ADAMTS19: variants seen among roughly 807,000 people sequenced by gnomAD.
The protein encoded by ADAMTS19 is ADAM metallopeptidase with thrombospondin type 1 motif 19.
In ADAMTS19, 93 loss-of-function variants were observed where a neutral mutation model predicts 153.3. That is an observed-to-expected ratio of 0.61 (90% CI 0.51 to 0.72). ADAMTS19 has a LOEUF of 0.72. Among genes scored for constraint, ADAMTS19 ranks in the 30% least tolerant of loss-of-function variants. ADAMTS19 has a pLI of 0.00. For synonymous variants in ADAMTS19, 600 were observed against 556.6 expected (o/e 1.08, Z -1.10); for missense variants, 1,482 against 1,552.1 (o/e 0.95, Z 0.76).
At chr5:129,637,724 G>C (rs1752595349) in intron 10 of ADAMTS19, among the ~76,000 whole-genome samples, 1 of 152,040 alleles carries the variant, frequency 6.6e-6, no homozygotes, top group South Asian at 2.1e-4. Flanking sequence ...GGGTGCCTAT[G>C]ATCCCAGCTA....
Position 129,529,460 on chromosome 5 carries a change from A to G in ADAMTS19, c.1328+783A>G, listed in dbSNP as rs76623119. Among the ~76,000 whole-genome samples the G allele has an allele frequency of 2.9e-3, 437 of 152,304 alleles. 3 individuals are homozygous for G. Among genetic ancestry groups the G allele is most frequent in the African/African-American group, 9.8e-3 (408 of 41,590 alleles). ...TGAAAAATCTCTATGCAGGAACACA[A>G]TTGGACTTCTACTTTCGGCTAAGTA... On this transcript the variant is annotated intron_variant, in intron 6 of 22. Coordinates refer to ENST00000274487, the MANE Select transcript of ADAMTS19 (RefSeq NM_133638.6).
rs1753063903 is a variant in ADAMTS19 at position 129,646,258 on chromosome 5, G to C, written c.1873-1507G>C. Among the ~76,000 whole-genome samples, 5 of 152,086 alleles carry C rather than the reference G, an allele frequency of 3.3e-5. No homozygotes were observed. In the South Asian group the frequency reaches 1.0e-3, roughly 32 times the overall value. ...TATTTAATGAGAATCTTAGAATATT[G>C]ATATTCTCTGAGTTGTTGATCTTTA... On this transcript the variant is annotated intron_variant, in intron 11 of 22. Coordinates refer to ENST00000274487, the MANE Select transcript of ADAMTS19 (RefSeq NM_133638.6).
chr5:129,636,112 G>A (rs1199938051), intron 10 of ADAMTS19, among the ~76,000 whole-genome samples: 1 of 152,144 alleles, frequency 6.6e-6, no homozygotes, highest in East Asian at 1.9e-4. Flanking sequence ...AGCTAGGCTG[G>A]TCTCGAACTC....
At position 129,527,741 on chromosome 5, in the gene ADAMTS19, T is replaced by C; in HGVS notation, c.1087-7T>C. ...ATTTTAGGATTTTTATTTTTATTTG[T>C]TTTTAGGTATTTAACCTTTTCCAAC... On this transcript the variant is annotated splice_region_variant and splice_polypyrimidine_tract_variant and intron_variant, in intron 4 of 22. Coordinates refer to ENST00000274487, the MANE Select transcript of ADAMTS19 (RefSeq NM_133638.6). 2 of 1,503,752 alleles carry C rather than the reference T, an allele frequency of 1.3e-6. No individual in the cohort carries two copies. The highest frequency in any genetic ancestry group is 1.2e-5 in the South Asian group (1 of 81,994). The allele number at this position is 1,503,752 out of a possible 1,614,324, so 93.2% of individuals were successfully genotyped here.
intron 6 of ADAMTS19, among the ~76,000 whole-genome samples, chr5:129,543,162 G>A (rs988642347): frequency 2.0e-5 from 3 of 151,622 alleles, no homozygotes; most frequent in Non-Finnish European, 4.4e-5. Flanking sequence ...TGATTCTCCT[G>A]CCTTAGCCTC....
At chr5:129,490,966 A>G (rs1750747108) in intron 2 of ADAMTS19, among the ~76,000 whole-genome samples, 1 of 151,786 alleles carries the variant, frequency 6.6e-6, no homozygotes, top group South Asian at 2.1e-4. Flanking sequence ...ATGAATAAAC[A>G]TATATTGTTG....
At chr5:129,694,102 G>T (rs948441019) in intron 18 of ADAMTS19, among the ~76,000 whole-genome samples, 2 of 152,044 alleles carry the variant, frequency 1.3e-5, no homozygotes, top group Non-Finnish European at 2.9e-5. Flanking sequence ...CTAAAAGATG[G>T]CCACAATCCT....
intron 18 of ADAMTS19, among the ~76,000 whole-genome samples, chr5:129,694,082 C>T (rs775875173): frequency 3.9e-5 from 6 of 152,138 alleles, no homozygotes; most frequent in Non-Finnish European, 8.8e-5. Flanking sequence ...GAGCTTTCCA[C>T]CACTTAATGC....
intron 8 of ADAMTS19, among the ~76,000 whole-genome samples, chr5:129,598,389 T>A (rs1750484203): frequency 6.6e-6 from 1 of 152,178 alleles, no homozygotes; most frequent in Non-Finnish European, 1.5e-5. Context: ...GGAATTTGAT[T>A]GGTAAAGGAA....
At chr5:129,525,042 T>C (rs1173380103) in intron 3 of ADAMTS19, among the ~76,000 whole-genome samples, 5 of 152,132 alleles carry the variant, frequency 3.3e-5, no homozygotes, top group Non-Finnish European at 7.4e-5. Flanking sequence ...TATATAGTAT[T>C]CCATTATATG....
intron 2 of ADAMTS19, among the ~76,000 whole-genome samples, chr5:129,506,475 T>C (rs1197494809): frequency 2.6e-5 from 4 of 152,020 alleles, no homozygotes; most frequent in Non-Finnish European, 5.9e-5. Context: ...AGGGTACATA[T>C]GCACAATGTG....
chr5:129,727,564 A>C (rs1445889980), intron 21 of ADAMTS19, among the ~76,000 whole-genome samples: 1 of 152,190 alleles, frequency 6.6e-6, no homozygotes, highest in Non-Finnish European at 1.5e-5. Flanking sequence ...ATAGTGCTTA[A>C]GCATTTAAAT....
At chr5:129,590,814 T>C in intron 7 of ADAMTS19, among the ~76,000 whole-genome samples, 2 of 152,338 alleles carry the variant, frequency 1.3e-5, no homozygotes, top group Middle Eastern at 3.4e-3. Flanking sequence ...CATTCTTATA[T>C]CATTCCATAT....
At chr5:129,579,157 C>T (rs1267797690) in intron 7 of ADAMTS19, among the ~76,000 whole-genome samples, 1 of 152,192 alleles carries the variant, frequency 6.6e-6, no homozygotes, top group African/African-American at 2.4e-5. Context: ...GATAGTATCT[C>T]ATTGTGGTTT....
At chr5:129,642,954 G>A (rs183981033) in intron 11 of ADAMTS19, among the ~76,000 whole-genome samples, 4 of 152,200 alleles carry the variant, frequency 2.6e-5, no homozygotes, top group Admixed American at 6.5e-5. Flanking sequence ...TTGTAATGGT[G>A]AGAAGTGAGA....
intron 21 of ADAMTS19, among the ~76,000 whole-genome samples, chr5:129,710,281 G>T (rs1249208367): frequency 6.6e-6 from 1 of 152,142 alleles, no homozygotes; most frequent in African/African-American, 2.4e-5. Context: ...GTCCATCCAT[G>T]TCCCTGTAAA....
At position 129,737,259 on chromosome 5, in the gene ADAMTS19, A is replaced by G. The variant is rs1757709813; in HGVS notation, c.*41A>G. ...CTGGATCACAGCTCTTGGCAATTAC[A>G]TTATTTATAAACACACACACTAGCA... On this transcript the variant is annotated 3_prime_UTR_variant, in exon 23 of 23. Transcript: ENST00000274487. 6 of 1,491,658 alleles carry G rather than the reference A, an allele frequency of 4.0e-6. No homozygotes were observed. Among genetic ancestry groups the G allele is most frequent in the African/African-American group, 1.4e-5 (1 of 72,004 alleles). 92.4% of individuals were successfully genotyped at this position (1,491,658 alleles called of 1,614,324 possible).
chr5:129,528,362 G>A (rs1486477556), intron 5 of ADAMTS19, among the ~76,000 whole-genome samples, 158 bp from the exon 6 acceptor site: 17 of 151,998 alleles, frequency 1.1e-4, no homozygotes, highest in Admixed American at 1.1e-3. Context: ...TTTAAGCTCA[G>A]GGTAAATTAA....
chr5:129,465,842 T>C (rs1749837406), intron 2 of ADAMTS19, among the ~76,000 whole-genome samples: 1 of 152,162 alleles, frequency 6.6e-6, no homozygotes, highest in Non-Finnish European at 1.5e-5. Context: ...TAAATAAATA[T>C]AAAGCAGTAT....
Sources: allele counts gnomAD v4.1 joint callset (sites outside exome capture counted in the v4.1 genomes callset), GRCh38; gene constraint gnomAD v4.1.1; transcripts MANE v1.5; gene names NCBI Gene and HGNC (gene_info 2026-07-23, HGNC 2026-07-21).